Variants in GPR37 observed in about 807,000 individuals in gnomAD.
The protein encoded by GPR37 is prosaposin receptor GPR37.
A neutral mutation model predicts 43.6 loss-of-function variants in GPR37; 20 were observed. The ratio of observed to expected loss-of-function variants is 0.46; its 90% CI spans 0.32 to 0.67. The LOEUF is 0.67. Among genes scored for constraint, GPR37 ranks in the 30% least tolerant of loss-of-function variants. The probability of loss-of-function intolerance (pLI) is 0.03; values close to 1 mark genes in which losing one functional copy is unlikely to be tolerated. For synonymous variants in GPR37, 315 were observed against 322.6 expected, an observed-to-expected ratio of 0.98 and a Z score of 0.25; for missense variants, 724 against 797.2, an observed-to-expected ratio of 0.91 and a Z score of 1.11.
intron 1 of GPR37, among the ~76,000 whole-genome samples, chr7:124,748,755 A>G (rs1793701960): frequency 1.3e-5 from 2 of 152,142 alleles, no homozygotes; most frequent in African/African-American, 2.4e-5. Flanking sequence ...TGTATTCAAA[A>G]AGGCACTGCT....
chr7:124,751,396 G>T (rs1327219426), intron 1 of GPR37, among the ~76,000 whole-genome samples: 1 of 152,052 alleles, frequency 6.6e-6, no homozygotes, highest in Non-Finnish European at 1.5e-5. Flanking sequence ...AATGTACAAA[G>T]GCCCTGTCAG....
chr7:124,764,910 A>T lies in GPR37; in HGVS notation c.67T>A (p.Ser23Thr), dbSNP rs765490264. The T allele has an allele frequency of 5.5e-5, 87 of 1,593,924 alleles. No homozygotes were observed. The highest frequency in any genetic ancestry group is 7.3e-5 in the Non-Finnish European group (85 of 1,171,604). ...GCGACCCCGAGGGCAGAAGAGGCAG[A>T]CACCTTGAGCAGTAGCAGAAGCAGT... Reference protein sequence around the residue: ...RLLLLLLLKVSASSALGVAPA... With the variant: ...RLLLLLLLKVTASSALGVAPA... The change falls in exon 1 of 2, where the codon TCT becomes ACT. Residue 23 changes from serine (S) to threonine (T), a missense_variant. Physicochemically the swap from Ser to Thr is moderately conservative, Grantham distance 58. Around this residue, in one of 2 missense-constraint regions of GPR37, gnomAD observed 382 missense variants for 355.4 expected, o/e 1.07. Coordinates refer to ENST00000303921, the MANE Select transcript of GPR37 (RefSeq NM_005302.5). The surrounding 1 kb of genome is among the most constrained non-coding windows in gnomAD (Gnocchi z 5.4).
intron 1 of GPR37, 111 bp from the exon 2 acceptor site, chr7:124,747,454 ATGAG>A: frequency 1.5e-6 from 1 of 677,866 alleles, no homozygotes; most frequent in Non-Finnish European, 2.5e-6. Flanking sequence ...ATAAATAAAA[ATGAG>A]AGAGAGAGAG....
At chr7:124,752,825 T>G (rs1400625837) in intron 1 of GPR37, among the ~76,000 whole-genome samples, 1 of 152,168 alleles carries the variant, frequency 6.6e-6, no homozygotes, top group African/African-American at 2.4e-5. Flanking sequence ...AGTACAGTCA[T>G]GATTTGTATT....
Position 124,744,187 on chromosome 7 carries a change from G to T in GPR37, c.*2338C>A, listed in dbSNP as rs1449438048. On this transcript the variant is annotated 3_prime_UTR_variant, in exon 2 of 2. Coordinates refer to ENST00000303921, the MANE Select transcript of GPR37 (RefSeq NM_005302.5). Reference sequence around the variant, plus strand: ...CATTGTGGTTCAATCTCTTATAATAGCTTCCTAGTTGCTTTTTCATGATCA... The same window carrying T: ...CATTGTGGTTCAATCTCTTATAATATCTTCCTAGTTGCTTTTTCATGATCA... 9 of 152,028 alleles carry T rather than the reference G, an allele frequency of 5.9e-5. No homozygotes were observed. Among genetic ancestry groups the T allele is most frequent in the Non-Finnish European group, 8.8e-5 (6 of 67,976 alleles). 9.4% of individuals were successfully genotyped at this position (152,028 alleles called of 1,614,324 possible).
intron 1 of GPR37, among the ~76,000 whole-genome samples, chr7:124,752,124 T>G (rs1003842417): frequency 6.6e-6 from 1 of 152,086 alleles, no homozygotes. Context: ...CTCCTTCAGC[T>G]CCCACCCAGC....
At position 124,764,722 on chromosome 7, in the gene GPR37, G is replaced by A. The variant is rs1793895951; in HGVS notation, c.255C>T (p.Ser85=). Residue 85 remains serine (S), a synonymous_variant, in exon 1 of 2, where the codon TCC becomes TCT. Coordinates refer to ENST00000303921, the MANE Select transcript of GPR37 (RefSeq NM_005302.5). This position sits in a 1 kb window ranked among gnomAD's most constrained non-coding sequence, Gnocchi z 5.4. Reference sequence around the variant, plus strand: ...GGCCCGGGGCCGCCGGCAGGTCCCAGGAGGGTCCCGCAAGAAACGCTGCCC... The same window carrying A: ...GGCCCGGGGCCGCCGGCAGGTCCCAAGAGGGTCCCGCAAGAAACGCTGCCC... ...EQGAAFLAGP[S]WDLPAAPGRD... 6.2e-7 allele frequency: 1 copy of A among 1,607,854 alleles called. No individual in the cohort carries two copies. The highest frequency in any genetic ancestry group is 1.1e-5 in the South Asian group (1 of 90,870).
In GPR37 at chr7:124,746,709, C is replaced by T; in HGVS notation, c.1658G>A (p.Cys553Tyr). 2 of 1,613,874 alleles carry T rather than the reference C, an allele frequency of 1.2e-6. No homozygotes were observed. Among genetic ancestry groups the T allele is most frequent in the South Asian group, 1.1e-5 (1 of 91,080 alleles). ...CATGAAGGCCCGACTGAAGGGTTTG[C>T]AGAGACAGAAAAGGAGGACTGGGGT... is the stretch of plus-strand genomic sequence containing the variant. ...CVTPVLLFCL[C>Y]KPFSRAFMEC... Residue 553 changes from cysteine (C) to tyrosine (Y), a missense_variant, in exon 2 of 2, where the codon TGC becomes TAC. By Grantham distance (194) the Cys-to-Tyr change is radical. Coordinates refer to ENST00000303921, the MANE Select transcript of GPR37 (RefSeq NM_005302.5).
intron 1 of GPR37, among the ~76,000 whole-genome samples, chr7:124,759,708 G>A (rs1212482002): frequency 2.0e-5 from 3 of 152,060 alleles, no homozygotes; most frequent in Non-Finnish European, 2.9e-5. Flanking sequence ...AATAGAAAGG[G>A]AAAAGTCATC....
In GPR37 at chr7:124,764,221, G is replaced by A. The variant is rs773626954; in HGVS notation, c.756C>T (p.Tyr252=). The change falls in exon 1 of 2, where the codon TAC becomes TAT. Residue 252 remains tyrosine (Y), a synonymous_variant. Coordinates refer to ENST00000303921, the MANE Select transcript of GPR37 (RefSeq NM_005302.5). This position sits in a 1 kb window ranked among gnomAD's most constrained non-coding sequence, Gnocchi z 5.4. The part of the protein sequence containing the change: ...NRRVRLKNPF[Y]PLTQESYGAY... Reference sequence around the variant, plus strand: ...CTCCATAGGACTCCTGGGTCAGCGGGTAGAAGGGGTTCTTCAGTCTCACAC... The same window carrying A: ...CTCCATAGGACTCCTGGGTCAGCGGATAGAAGGGGTTCTTCAGTCTCACAC... The A allele has an allele frequency of 1.3e-6, 2 of 1,594,864 alleles. No homozygotes were observed. Among genetic ancestry groups the A allele is most frequent in the South Asian group, 1.1e-5 (1 of 87,202 alleles).
intron 1 of GPR37, among the ~76,000 whole-genome samples, chr7:124,759,533 T>C (rs1455774914): frequency 6.6e-6 from 1 of 152,208 alleles, no homozygotes; most frequent in Non-Finnish European, 1.5e-5. Context: ...GAGTATAGTT[T>C]TTTTCTTGTG....
In GPR37 at chr7:124,747,385, G is replaced by A. The variant is rs113503109; in HGVS notation, c.1024-42C>T. 8.4e-5 allele frequency: 112 copies of A among 1,327,574 alleles called. 4 individuals are homozygous for A. The highest frequency in any genetic ancestry group is 7.3e-4 in the African/African-American group (50 of 68,798). 82.2% of individuals were successfully genotyped at this position (1,327,574 alleles called of 1,614,324 possible). ...AAGACATTTATTCCCGGTGTCCCCC[G>A]AAAGATCAAAGCACTAGGAAATAAA... On this transcript the variant is annotated intron_variant, in intron 1 of 1. Coordinates refer to ENST00000303921, the MANE Select transcript of GPR37 (RefSeq NM_005302.5).
intron 1 of GPR37, among the ~76,000 whole-genome samples, chr7:124,760,961 TC>T (rs956407841): frequency 2.6e-5 from 4 of 151,940 alleles, no homozygotes; most frequent in African/African-American, 9.7e-5. Context: ...ATCAAGACCA[TC>T]CTGGCCAACA....
In GPR37 at chr7:124,763,244, T is replaced by C. The variant is rs186412278; in HGVS notation, c.1023+710A>G. Among the ~76,000 whole-genome samples, 449 of 152,272 alleles carry C rather than the reference T, an allele frequency of 2.9e-3. 1 individual carries two copies. The highest frequency in any genetic ancestry group is 3.8e-3 in the Non-Finnish European group (260 of 68,016). ...ATAACTTTGAGAATGTTAAACAAATTATGTGCCACGCTGGCCAAAGTCTTA... is the reference window on the plus strand; with the variant it reads ...ATAACTTTGAGAATGTTAAACAAATCATGTGCCACGCTGGCCAAAGTCTTA... On this transcript the variant is annotated intron_variant, in intron 1 of 1. Coordinates refer to ENST00000303921, the MANE Select transcript of GPR37 (RefSeq NM_005302.5).
intron 1 of GPR37, among the ~76,000 whole-genome samples, chr7:124,749,536 A>G (rs950715759): frequency 6.6e-5 from 10 of 152,174 alleles, no homozygotes; most frequent in African/African-American, 2.4e-4. Context: ...TTTATCTACT[A>G]CATTCAAGCT....
intron 1 of GPR37, among the ~76,000 whole-genome samples, chr7:124,747,818 T>C (rs776126398): frequency 4.1e-4 from 63 of 152,150 alleles, no homozygotes; most frequent in Non-Finnish European, 7.6e-4. Context: ...CTCAAGAGCT[T>C]ATTGTCTCCA....
chr7:124,763,901 T>C (rs1318257234), intron 1 of GPR37, 53 bp downstream of exon 1: 7 of 1,527,982 alleles, frequency 4.6e-6, no homozygotes, highest in South Asian at 1.1e-5. Flanking sequence ...TCTGATGCTA[T>C]AATCCCGAAA....
intron 1 of GPR37, among the ~76,000 whole-genome samples, chr7:124,750,109 C>T (rs1294849905): frequency 3.9e-5 from 6 of 152,058 alleles, no homozygotes; most frequent in East Asian, 3.9e-4. Flanking sequence ...CATCTAAGAA[C>T]GGCTGGCCAC....
rs1793663576 is a variant in GPR37, at chr7:124,745,773, TCTG to T, written c.*749_*751del. ...TTTAAAAAAGAAACTTTCTTCCTAC[TCTG>T]CTATTTATTCATATTTTATAAGTAT... On this transcript the variant is annotated 3_prime_UTR_variant, in exon 2 of 2. Transcript: ENST00000303921. Among the ~76,000 whole-genome samples the T allele has an allele frequency of 6.6e-6, 1 of 152,204 alleles. No individual in the cohort carries two copies. The highest frequency in any genetic ancestry group is 2.4e-5 in the African/African-American group (1 of 41,464).
Sources: allele counts gnomAD v4.1 joint callset (sites outside exome capture counted in the v4.1 genomes callset), GRCh38; gene constraint gnomAD v4.1.1; regional missense constraint gnomAD v4.1.1; non-coding constraint Gnocchi (gnomAD v3.1); transcripts MANE v1.5; gene names NCBI Gene and HGNC (gene_info 2026-07-23, HGNC 2026-07-21).